The following ARMC8 variants were observed in gnomAD, a reference collection of about 807,000 sequenced individuals.
The protein encoded by ARMC8 is armadillo repeat containing 8, also known as armadillo repeat-containing protein 8.
ARMC8 carries 20 observed loss-of-function variants against 99.3 expected under a neutral mutation model. The observed-to-expected ratio is 0.20, with a 90% CI of 0.14 to 0.29. The LOEUF (loss-of-function observed/expected upper bound fraction) is 0.29, where lower values mean the gene tolerates loss of function less well. ARMC8 is among the 10% of genes least tolerant of loss of function. The probability of loss-of-function intolerance (pLI) is 1.00; values close to 1 mark genes in which losing one functional copy is unlikely to be tolerated. For synonymous variants in ARMC8, 263 were observed against 278.3 expected (o/e 0.95, Z 0.55); for missense variants, 569 against 809.5 (o/e 0.70, Z 3.60).
intron 1 of ARMC8, among the ~76,000 whole-genome samples, chr3:138,209,177 C>T (rs1232227999): frequency 2.0e-5 from 3 of 152,304 alleles, no homozygotes; most frequent in East Asian, 1.9e-4. Flanking sequence ...AGTAATATTC[C>T]TATCTATTAA....
intron 12 of ARMC8, among the ~76,000 whole-genome samples, chr3:138,253,584 C>T (rs2047242269): frequency 6.6e-6 from 1 of 152,098 alleles, no homozygotes; most frequent in African/African-American, 2.4e-5. Context: ...ACTGAGAGAA[C>T]TTGGTATATA....
rs536282211 is a variant in ARMC8 at position 138,235,981 on chromosome 3, A to G, written c.609+867A>G. Among the ~76,000 whole-genome samples, 151 of 151,642 alleles carry G rather than the reference A, an allele frequency of 1.0e-3. 1 individual carries two copies. The highest frequency in any genetic ancestry group is 7.2e-4 in the Non-Finnish European group (49 of 67,810). On this transcript the variant is annotated intron_variant, in intron 7 of 21. Transcript: ENST00000469044. ...CCACCACCCCTGGCTGATTTTTTCT[A>G]TATTTTAGTAGAGACAGGGTTTCAC...
At chr3:138,238,445 T>C (rs1169716789) in intron 9 of ARMC8, 1 of 152,228 alleles carries the variant, frequency 6.6e-6, no homozygotes, top group Non-Finnish European at 1.5e-5. Context: ...TGAATGGGTG[T>C]GTTGAGCACT....
At chr3:138,256,689 C>T (rs1051596735) in intron 12 of ARMC8, among the ~76,000 whole-genome samples, 1 of 152,104 alleles carries the variant, frequency 6.6e-6, no homozygotes, top group Admixed American at 6.5e-5. Flanking sequence ...GCATTACAGG[C>T]GTGAGCCACC....
intron 12 of ARMC8, chr3:138,245,699 G>C: frequency 1.0e-6 from 1 of 991,914 alleles, no homozygotes; most frequent in Non-Finnish European, 1.2e-6. Context: ...TGTTTAGTGA[G>C]TGGTCATCTG....
chr3:138,194,369 T>TCTCG (rs1210814604), intron 1 of ARMC8, among the ~76,000 whole-genome samples: 1 of 67,012 alleles, frequency 1.5e-5, no homozygotes, highest in Non-Finnish European at 2.9e-5. Context: ...TGAGACGGAG[T>TCTCG]CTCTGTCGCC....
rs1488095993 is a variant in ARMC8, at chr3:138,263,835, A to C, written c.1217+14A>C. The stretch of plus-strand genomic sequence containing the variant: ...AGCTGCCGTCAGGTATGAGCTTTAA[A>C]TGGTCTGAATAAAAACCTTTTGCCA... On this transcript the variant is annotated intron_variant, in intron 13 of 21. Transcript: ENST00000469044. 6.8e-6 allele frequency: 11 copies of C among 1,611,294 alleles called. No homozygotes were observed. Among genetic ancestry groups the C allele is most frequent in the Non-Finnish European group, 9.3e-6 (11 of 1,177,422 alleles).
chr3:138,286,447 GCTGA>G (rs2050422647), intron 19 of ARMC8, among the ~76,000 whole-genome samples: 3 of 152,100 alleles, frequency 2.0e-5, no homozygotes, highest in East Asian at 3.9e-4. Flanking sequence ...CTTCAACCCA[GCTGA>G]CTATTTCCTC....
Position 138,251,100 on chromosome 3 carries a change from G to C in ARMC8, c.1134+5917G>C, listed in dbSNP as rs376795058. On this transcript the variant is annotated intron_variant, in intron 12 of 21. Coordinates refer to ENST00000469044, the MANE Select transcript of ARMC8 (RefSeq NM_001363941.2). ...CAGAAGGTCGAGGCTGCAGTGAGCC[G>C]TGATCACACTGTCACACCACTGTAC... Among the ~76,000 whole-genome samples the C allele has an allele frequency of 3.3e-5, 5 of 151,994 alleles. No homozygotes were observed. In the South Asian group the frequency reaches 1.0e-3, roughly 32 times the overall value.
chr3:138,187,815 G>T lies in ARMC8; in HGVS notation c.45+216G>T, dbSNP rs1027607273. ...GACGTTTCCAACTCCGGGAGCTCCCGCCGGTGCGGGTTCCCAGGATGGCGT... is the reference window on the plus strand; with the variant it reads ...GACGTTTCCAACTCCGGGAGCTCCCTCCGGTGCGGGTTCCCAGGATGGCGT... On this transcript the variant is annotated intron_variant, in intron 1 of 21. Coordinates refer to ENST00000469044, the MANE Select transcript of ARMC8 (RefSeq NM_001363941.2). The T allele has an allele frequency of 4.8e-5, 27 of 561,396 alleles. No individual in the cohort carries two copies. In the African/African-American group the frequency reaches 5.0e-4, roughly 10 times the overall value. The allele number at this position is 561,396 out of a possible 1,614,324, so 34.8% of individuals were successfully genotyped here. A position where few individuals can be genotyped will look rare whatever the true frequency, so the allele number is the denominator to read the frequency against.
chr3:138,239,679 T>G (rs2046511654), intron 10 of ARMC8, 151 bp downstream of exon 10: 3 of 471,498 alleles, frequency 6.4e-6, no homozygotes. Flanking sequence ...TTCTTTTCAG[T>G]GGATGTCATA....
At chr3:138,208,724 A>G (rs1186986058) in intron 1 of ARMC8, among the ~76,000 whole-genome samples, 1 of 152,166 alleles carries the variant, frequency 6.6e-6, no homozygotes, top group East Asian at 1.9e-4. Flanking sequence ...CAAGCAGGGG[A>G]CAAAACTTTT....
intron 1 of ARMC8, among the ~76,000 whole-genome samples, chr3:138,192,433 A>G (rs1435103993): frequency 6.6e-6 from 1 of 151,950 alleles, no homozygotes; most frequent in African/African-American, 2.4e-5. Context: ...GCCCGCCACC[A>G]CACCTGGCTA....
intron 18 of ARMC8, among the ~76,000 whole-genome samples, chr3:138,282,817 C>T (rs2050065724): frequency 6.6e-6 from 1 of 152,148 alleles, no homozygotes. Flanking sequence ...CTGTTAATTA[C>T]ACTTGGCATG....
intron 12 of ARMC8, among the ~76,000 whole-genome samples, chr3:138,259,942 A>G (rs1214291168): frequency 6.6e-6 from 1 of 152,160 alleles, no homozygotes; most frequent in African/African-American, 2.4e-5. Context: ...GTGTGGCCCC[A>G]TGGTCCCTGT....
chr3:138,197,840 T>A lies in ARMC8; in HGVS notation c.45+10241T>A, dbSNP rs531636322. ...TGAAGAGTAAATGAATTGAATTTAA[T>A]AGTGAGAAGAAACCTTAAAGATCTT... On this transcript the variant is annotated intron_variant, in intron 1 of 21. Coordinates refer to ENST00000469044, the MANE Select transcript of ARMC8 (RefSeq NM_001363941.2). 2.0e-5 allele frequency among the ~76,000 whole-genome samples: 3 copies of A among 152,354 alleles called. No individual in the cohort carries two copies. In the South Asian group the frequency reaches 6.2e-4, roughly 32 times the overall value.
At chr3:138,246,073 G>A (rs1003191751) in intron 12 of ARMC8, 2 of 985,244 alleles carry the variant, frequency 2.0e-6, no homozygotes, top group Admixed American at 6.1e-5. Context: ...AAATCACAAA[G>A]TATTAGAGTT....
intron 12 of ARMC8, among the ~76,000 whole-genome samples, chr3:138,253,274 GCACT>G (rs2047228119): frequency 6.6e-6 from 1 of 152,130 alleles, no homozygotes; most frequent in Admixed American, 6.5e-5. Context: ...CATTTGTTGA[GCACT>G]CACTATGTGC....
chr3:138,290,661 C>G (rs544831170), intron 21 of ARMC8, 22 bp downstream of exon 21: 3 of 1,528,850 alleles, frequency 2.0e-6, no homozygotes, highest in Non-Finnish European at 2.7e-6. Flanking sequence ...TGTGAAAAGG[C>G]CTTGCTTTGG....
Sources: gnomAD v4.1 joint callset for allele counts (sites outside exome capture counted in the v4.1 genomes callset) on GRCh38, gnomAD v4.1.1 for gene constraint, MANE v1.5 for transcripts, NCBI Gene and HGNC (gene_info 2026-07-23, HGNC 2026-07-21) for gene names.